The following RSPH10B variants were observed in gnomAD, a reference collection of about 807,000 sequenced individuals.
RSPH10B encodes radial spoke head 10 homolog B (Chlamydomonas).
A neutral mutation model predicts 52.5 loss-of-function variants in RSPH10B; 7 were observed. The observed-to-expected ratio is 0.13, with a 90% CI of 0.08 to 0.25. The LOEUF (loss-of-function observed/expected upper bound fraction) is 0.25. Ranked by LOEUF, RSPH10B falls within the 10% of genes least tolerant of loss-of-function variation. The pLI, the probability that RSPH10B is intolerant of heterozygous loss-of-function variation, is 1.00. For synonymous variants in RSPH10B, 28 were observed against 193.2 expected (o/e 0.14, Z 7.09); for missense variants, 89 against 542.5 (o/e 0.16, Z 8.30).
Position 5,927,070 on chromosome 7 carries a change from A to ATATGTGTGTGTGTGTG in RSPH10B, c.2433-523_2433-522insCACACACACACACATA, listed in dbSNP as rs1554284566. ...GTATTATGTGTGTGTGTGTGTGTAT[A>ATATGTGTGTGTGTGTG]TGTGTGTGTGTGTGTGTGTGTGTGT... On this transcript the variant is annotated intron_variant, in intron 18 of 18. Transcript: ENST00000337579. 2.9e-3 allele frequency among the ~76,000 whole-genome samples: 316 copies of ATATGTGTGTGTGTGTG among 109,976 alleles called. 4 individuals carry two copies. Among genetic ancestry groups the ATATGTGTGTGTGTGTG allele is most frequent in the Admixed American group, 3.8e-3 (38 of 10,072 alleles). 72.1% of individuals were successfully genotyped at this position (109,976 alleles called of 152,430 possible). A position where few individuals can be genotyped will look rare whatever the true frequency, so the allele number is the denominator to read the frequency against.
intron 10 of RSPH10B, among the ~76,000 whole-genome samples, chr7:5,947,903 G>A (rs1419612337): frequency 3.1e-5 from 3 of 95,780 alleles, no homozygotes; most frequent in South Asian, 3.2e-4. Flanking sequence ...ATGGAGTCTC[G>A]CCCTGTCACC....
chr7:5,931,410 C>T (rs992891315), intron 17 of RSPH10B, among the ~76,000 whole-genome samples: 3 of 151,372 alleles, frequency 2.0e-5, no homozygotes, highest in African/African-American at 4.9e-5. Flanking sequence ...AGTGGGCGGC[C>T]GGCCATAGAG....
In RSPH10B at chr7:5,943,139, C is replaced by A. The variant is rs542882968; in HGVS notation, c.1758+185G>T. 193 of 1,309,532 alleles carry A rather than the reference C, an allele frequency of 1.5e-4. No homozygotes were observed. The African/African-American group carries it at 2.7e-3, about 18-fold the overall frequency. 81.1% of individuals were successfully genotyped at this position (1,309,532 alleles called of 1,614,324 possible). A position where few individuals can be genotyped will look rare whatever the true frequency, so the allele number is the denominator to read the frequency against. ...CATATTGGGCAGGTGACGGCTGTTT[C>A]TGTTCCTTCCACGACCACAGACCAC... On this transcript the variant is annotated intron_variant, in intron 13 of 18. Transcript: ENST00000337579.
At chr7:5,927,070 ATGTGTGTG>A (rs748036363) in intron 18 of RSPH10B, among the ~76,000 whole-genome samples, 23 of 110,730 alleles carry the variant, frequency 2.1e-4, no homozygotes, top group East Asian at 6.6e-4. Context: ...GTGTGTGTAT[ATGTGTGTG>A]TGTGTGTGTG....
At chr7:5,960,044 A>AAC (rs748706641) in intron 4 of RSPH10B, among the ~76,000 whole-genome samples, 5,016 of 28,500 alleles carry the variant, frequency 0.18, 1,810 homozygotes, top group Non-Finnish European at 0.23. Context: ...TCTGCTGTAA[A>AAC]ACACACACAC....
At chr7:5,954,269 G>C (rs1226203004) in intron 7 of RSPH10B, among the ~76,000 whole-genome samples, 1 of 65,930 alleles carries the variant, frequency 1.5e-5, no homozygotes, top group Non-Finnish European at 2.8e-5. Context: ...CTCCCGAGTG[G>C]CTGGGATTAC....
chr7:5,942,662 G>C (rs528496297), intron 13 of RSPH10B, among the ~76,000 whole-genome samples: 1 of 147,220 alleles, frequency 6.8e-6, no homozygotes, highest in African/African-American at 2.5e-5. Flanking sequence ...GGGAGGTCAA[G>C]ACCAGCCTGG....
In RSPH10B at chr7:5,966,913, T is replaced by C. The variant is rs767383986; in HGVS notation, c.204A>G (p.Glu68=). The C allele has an allele frequency of 4.3e-6, 6 of 1,382,252 alleles. 2 individuals are homozygous for C. The South Asian group carries it at 5.7e-5, about 13-fold the overall frequency. 85.6% of individuals were successfully genotyped at this position (1,382,252 alleles called of 1,614,324 possible). The change falls in exon 1 of 19, where the codon GAA becomes GAG. Residue 68 remains glutamate, a synonymous_variant. Transcript: ENST00000337579. ...TGGACTCTTCGTATTGGGTGGCATC[T>C]TCGTTCTGCTGAACGTTTTGGCGGT...
chr7:5,938,505 G>C (rs1272739778), intron 14 of RSPH10B, among the ~76,000 whole-genome samples: 1 of 64,148 alleles, frequency 1.6e-5, no homozygotes, highest in African/African-American at 5.3e-5. Context: ...GTGAACCCGG[G>C]AGGCGGAGCT....
At chr7:5,941,520 G>A (rs1358191785) in intron 13 of RSPH10B, among the ~76,000 whole-genome samples, 16 of 149,156 alleles carry the variant, frequency 1.1e-4, no homozygotes, top group Non-Finnish European at 2.1e-4. Context: ...CGACACGGGC[G>A]GATCACGAGG....
At chr7:5,928,033 G>C (rs1383881318) in intron 18 of RSPH10B, 163 bp downstream of exon 20, 1 of 872,426 alleles carries the variant, frequency 1.1e-6, no homozygotes, top group Non-Finnish European at 1.8e-6. Context: ...CAGGTGTTCT[G>C]CCAGGAACAG....
At chr7:5,941,503 G>C (rs1301886635) in intron 13 of RSPH10B, among the ~76,000 whole-genome samples, 1 of 148,900 alleles carries the variant, frequency 6.7e-6, no homozygotes, top group Non-Finnish European at 1.5e-5. Context: ...CCAGCACTTT[G>C]GGAGTCCGAC....
Position 5,942,976 on chromosome 7 carries a change from G to A in RSPH10B, c.1758+348C>T, listed in dbSNP as rs569893156. Among the ~76,000 whole-genome samples the A allele has an allele frequency of 4.4e-3, 648 of 146,044 alleles. 9 individuals carry two copies. Among genetic ancestry groups the A allele is most frequent in the African/African-American group, 0.014 (552 of 39,456 alleles). ...GGCATATATAAATATATATGTCCAT[G>A]CTGGTCTTGAACTCCTTGACCTCAG... On this transcript the variant is annotated intron_variant, in intron 13 of 18. Transcript: ENST00000337579.
Sources: allele counts gnomAD v4.1 joint callset (sites outside exome capture counted in the v4.1 genomes callset), GRCh38; gene constraint gnomAD v4.1.1; transcripts MANE v1.5; gene names NCBI Gene and HGNC (gene_info 2026-07-23, HGNC 2026-07-21).